The following PCDHGB2 variants were observed in gnomAD, a reference collection of about 807,000 sequenced individuals.
PCDHGB2 encodes protocadherin gamma-B2.
PCDHGB2 carries 55 observed loss-of-function variants against 59.3 expected under a neutral mutation model. That is an observed-to-expected ratio of 0.93 (90% CI 0.75 to 1.16). PCDHGB2 has a LOEUF of 1.16. PCDHGB2 is among the 50% of genes most tolerant of loss of function. The probability of loss-of-function intolerance (pLI) is 0.00; values close to 1 mark genes in which losing one functional copy is unlikely to be tolerated. For synonymous variants in PCDHGB2, 516 were observed against 512.0 expected (o/e 1.01, Z -0.11); for missense variants, 1,228 against 1,198.5 (o/e 1.02, Z -0.36).
intron 1 of PCDHGB2, chr5:141,427,536 G>T (rs758610182): frequency 1.6e-6 from 1 of 626,396 alleles, no homozygotes; most frequent in Non-Finnish European, 3.0e-6. Context: ...GGAGTACAAC[G>T]TCACCATCAC....
chr5:141,418,969 A>C, intron 1 of PCDHGB2: 1 of 1,614,028 alleles, frequency 6.2e-7, no homozygotes, highest in Non-Finnish European at 8.5e-7. Flanking sequence ...CCCTCTTCAA[A>C]ACACGGGACC....
In PCDHGB2 at chr5:141,381,798, C is replaced by CTCTTTCTTTCTTTCTT. The variant is rs372235829; in HGVS notation, c.2421+19251_2421+19266dup. On this transcript the variant is annotated intron_variant, in intron 1 of 3. Coordinates refer to ENST00000522605, the MANE Select transcript of PCDHGB2 (RefSeq NM_018923.3). Reference sequence around the variant, plus strand: ...ATCAGGAACAAGGCAAGGCAATTCCCTCTTTCTTTCTTTCTTTCTTTCTTC... The same window carrying CTCTTTCTTTCTTTCTT: ...ATCAGGAACAAGGCAAGGCAATTCCCTCTTTCTTTCTTTCTTTCTTTCTTTCTTTCTTTCTTTCTTC... Among the ~76,000 whole-genome samples, 49 of 144,164 alleles carry CTCTTTCTTTCTTTCTT rather than the reference C, an allele frequency of 3.4e-4. 1 individual carries two copies. The highest frequency in any genetic ancestry group is 1.3e-3 in the African/African-American group (47 of 37,522). The allele number at this position is 144,164 out of a possible 152,430, so 94.6% of individuals were successfully genotyped here. A position where few individuals can be genotyped will look rare whatever the true frequency, so the allele number is the denominator to read the frequency against.
At chr5:141,379,459 C>G (rs1775609883) in intron 1 of PCDHGB2, 1 of 152,182 alleles carries the variant, frequency 6.6e-6, no homozygotes, top group East Asian at 1.9e-4. Flanking sequence ...TTCATAAACT[C>G]TGAAAGTGTG....
rs367905789 is a variant in PCDHGB2 at position 141,487,335 on chromosome 5, G to A, written c.2422-7472G>A. 11 of 1,614,064 alleles carry A rather than the reference G, an allele frequency of 6.8e-6. No individual in the cohort carries two copies. The highest frequency in any genetic ancestry group is 8.5e-6 in the Non-Finnish European group (10 of 1,180,044). Reference sequence around the variant, plus strand: ...TCTAAGTGTCTTCGTGGGGCAGCCTGTGGAGTCACATGCTTTCCTGCTGGC... The same window carrying A: ...TCTAAGTGTCTTCGTGGGGCAGCCTATGGAGTCACATGCTTTCCTGCTGGC... On this transcript the variant is annotated intron_variant, in intron 1 of 3. Transcript: ENST00000522605. This position sits in a 1 kb window ranked among gnomAD's most constrained non-coding sequence, Gnocchi z 5.0.
intron 1 of PCDHGB2, chr5:141,413,141 G>A: frequency 1.3e-6 from 2 of 1,564,906 alleles, no homozygotes; most frequent in Non-Finnish European, 1.7e-6. Context: ...AACGTGTCCA[G>A]TGAGGACTTT....
chr5:141,370,413 T>C (rs778967972), intron 1 of PCDHGB2: 2 of 1,567,918 alleles, frequency 1.3e-6, no homozygotes, highest in South Asian at 2.4e-5. Flanking sequence ...TAGCTCCGGA[T>C]GGAGGGGCCC....
intron 1 of PCDHGB2, among the ~76,000 whole-genome samples, chr5:141,451,298 C>T (rs1221562397): frequency 6.6e-6 from 1 of 152,206 alleles, no homozygotes; most frequent in African/African-American, 2.4e-5. Context: ...CAAAGTCTTA[C>T]AAGGCAGCAA....
chr5:141,487,314 A>G lies in PCDHGB2; in HGVS notation c.2422-7493A>G. ...GGCTCATTCGTGGCACTACTCTCTAAGTGTCTTCGTGGGGCAGCCTGTGGA... is the reference window on the plus strand; with the variant it reads ...GGCTCATTCGTGGCACTACTCTCTAGGTGTCTTCGTGGGGCAGCCTGTGGA... On this transcript the variant is annotated intron_variant, in intron 1 of 3. Transcript: ENST00000522605. The surrounding 1 kb of genome is among the most constrained non-coding windows in gnomAD (Gnocchi z 5.0). The G allele has an allele frequency of 6.2e-7, 1 of 1,614,002 alleles. No individual in the cohort carries two copies. Among genetic ancestry groups the G allele is most frequent in the African/African-American group, 1.3e-5 (1 of 74,994 alleles).
chr5:141,476,455 G>C lies in PCDHGB2; in HGVS notation c.2422-18352G>C, dbSNP rs572682842. On this transcript the variant is annotated intron_variant, in intron 1 of 3. Transcript: ENST00000522605. The surrounding 1 kb of genome is among the most constrained non-coding windows in gnomAD (Gnocchi z 7.6). ...CTGTAACTCTGGAGTTGGTAGTGGA[G>C]AACCCGCTGGAGCTGTTCAGCGTGG... 22 of 1,614,152 alleles carry C rather than the reference G, an allele frequency of 1.4e-5. No homozygotes were observed. In the South Asian group the frequency reaches 2.4e-4, roughly 18 times the overall value.
At chr5:141,404,914 C>G (rs1423848318) in intron 1 of PCDHGB2, 1 of 1,613,830 alleles carries the variant, frequency 6.2e-7, no homozygotes, top group Non-Finnish European at 8.5e-7. Flanking sequence ...AGCCCCCTCT[C>G]TCGGCCACTG....
Position 141,490,972 on chromosome 5 carries a change from C to G in PCDHGB2, c.2422-3835C>G. 6.2e-7 allele frequency: 1 copy of G among 1,613,912 alleles called. No homozygotes were observed. Among genetic ancestry groups the G allele is most frequent in the Non-Finnish European group, 8.5e-7 (1 of 1,179,922 alleles). Reference sequence around the variant, plus strand: ...AGACTGGGAACACTCAGCCCCCCAGCGTCTCCCTCGCTCTGCTCCTCCTGG... The same window carrying G: ...AGACTGGGAACACTCAGCCCCCCAGGGTCTCCCTCGCTCTGCTCCTCCTGG... On this transcript the variant is annotated intron_variant, in intron 1 of 3. Coordinates refer to ENST00000522605, the MANE Select transcript of PCDHGB2 (RefSeq NM_018923.3). The surrounding 1 kb of genome is among the most constrained non-coding windows in gnomAD (Gnocchi z 5.4).
chr5:141,428,154 T>C, intron 1 of PCDHGB2: 2 of 1,578,924 alleles, frequency 1.3e-6, no homozygotes, highest in Non-Finnish European at 1.7e-6. Flanking sequence ...CACGGGAACC[T>C]GCTGGTTGCT....
intron 1 of PCDHGB2, chr5:141,370,553 C>G: frequency 6.2e-7 from 1 of 1,613,810 alleles, no homozygotes; most frequent in Non-Finnish European, 8.5e-7. Context: ...TCGCCAAGGA[C>G]CTGGGGTTTG....
intron 1 of PCDHGB2, chr5:141,383,710 G>A (rs1388027066): frequency 1.4e-5 from 22 of 1,613,874 alleles, no homozygotes; most frequent in Non-Finnish European, 1.9e-5. Flanking sequence ...CGACCTGGAC[G>A]AGGGAGTCAA....
At chr5:141,418,347 G>A in intron 1 of PCDHGB2, 1 of 1,614,024 alleles carries the variant, frequency 6.2e-7, no homozygotes, top group Non-Finnish European at 8.5e-7. Flanking sequence ...CCTGATATTA[G>A]TATGAATTCG....
intron 1 of PCDHGB2, chr5:141,403,154 T>G (rs1166937788): frequency 6.2e-7 from 1 of 1,614,024 alleles, no homozygotes; most frequent in Non-Finnish European, 8.5e-7. Flanking sequence ...CCGCATCGTC[T>G]CTAGAGGTAG....
intron 1 of PCDHGB2, 114 bp downstream of exon 1, chr5:141,362,670 CTTAA>C: frequency 8.1e-7 from 1 of 1,239,100 alleles, no homozygotes; most frequent in Non-Finnish European, 1.1e-6. Context: ...AATGTTGTGC[CTTAA>C]TTGTCTTAAT....
In PCDHGB2 at chr5:141,476,401, G is replaced by A. The variant is rs772438777; in HGVS notation, c.2422-18406G>A. The A allele has an allele frequency of 1.9e-6, 3 of 1,614,054 alleles. No individual in the cohort carries two copies. Among genetic ancestry groups the A allele is most frequent in the African/African-American group, 2.7e-5 (2 of 74,926 alleles). On this transcript the variant is annotated intron_variant, in intron 1 of 3. Coordinates refer to ENST00000522605, the MANE Select transcript of PCDHGB2 (RefSeq NM_018923.3). This position sits in a 1 kb window ranked among gnomAD's most constrained non-coding sequence, Gnocchi z 7.6. ...TTGTGAACGACCGTCTGGATCGAGA[G>A]GAGCTGTGTGGGACACTGCCCTCTT...
chr5:141,422,969 G>C (rs1269760845), intron 1 of PCDHGB2: 2 of 1,614,202 alleles, frequency 1.2e-6, no homozygotes, highest in South Asian at 2.2e-5. Flanking sequence ...CTGGCGCCCC[G>C]CTCTGCGGAA....
Sources: gnomAD v4.1 joint callset for allele counts (sites outside exome capture counted in the v4.1 genomes callset) on GRCh38, gnomAD v4.1.1 for gene constraint, Gnocchi (gnomAD v3.1) non-coding constraint, MANE v1.5 for transcripts, NCBI Gene and HGNC (gene_info 2026-07-23, HGNC 2026-07-21) for gene names.